FHOD3: variants seen among roughly 807,000 people sequenced by gnomAD.
FHOD3 encodes the protein formin homology 2 domain containing 3, also known as FH1/FH2 domain-containing protein 3.
In FHOD3, 90 loss-of-function variants were observed where a neutral mutation model predicts 173.0. The ratio of observed to expected loss-of-function variants is 0.52; its 90% CI spans 0.44 to 0.62. The LOEUF (loss-of-function observed/expected upper bound fraction) is 0.62, where lower values mean the gene tolerates loss of function less well. Among genes scored for constraint, FHOD3 ranks in the 20% least tolerant of loss-of-function variants. The probability of loss-of-function intolerance (pLI) is 0.00; values close to 1 mark genes in which losing one functional copy is unlikely to be tolerated. For missense variants in FHOD3, 1,945 were observed against 2,034.7 expected (o/e 0.96, Z 0.85); for synonymous variants, 828 against 823.0 (o/e 1.01, Z -0.10).
chr18:36,582,885 C>G (rs2058904984), intron 6 of FHOD3, among the ~76,000 whole-genome samples: 1 of 152,168 alleles, frequency 6.6e-6, no homozygotes, highest in Non-Finnish European at 1.5e-5. Flanking sequence ...TTTTATCTGC[C>G]AGTTTCTTCC....
chr18:36,585,749 A>G (rs1395298338), intron 6 of FHOD3, among the ~76,000 whole-genome samples: 1 of 152,086 alleles, frequency 6.6e-6, no homozygotes, highest in Non-Finnish European at 1.5e-5. Context: ...TGCACCTTTG[A>G]CTCTTCTGCC....
intron 10 of FHOD3, among the ~76,000 whole-genome samples, chr18:36,636,395 A>G (rs1214348165): frequency 6.6e-6 from 1 of 152,212 alleles, no homozygotes; most frequent in African/African-American, 2.4e-5. Flanking sequence ...CTGTGGAGGC[A>G]GCCTGGTGGT....
At chr18:36,442,666 C>A (rs2051221598) in intron 3 of FHOD3, among the ~76,000 whole-genome samples, 1 of 152,188 alleles carries the variant, frequency 6.6e-6, no homozygotes, top group South Asian at 2.1e-4. Context: ...TCCTTATACC[C>A]TTCACTCAGT....
At chr18:36,447,220 A>G (rs182069091) in intron 3 of FHOD3, among the ~76,000 whole-genome samples, 4 of 152,322 alleles carry the variant, frequency 2.6e-5, no homozygotes, top group Admixed American at 2.0e-4. Flanking sequence ...TAAATGCAGT[A>G]TCTCATTCTC....
chr18:36,768,856 A>C (rs979925127), intron 27 of FHOD3, among the ~76,000 whole-genome samples: 2 of 152,234 alleles, frequency 1.3e-5, no homozygotes, highest in African/African-American at 2.4e-5. Context: ...TCTCTACATT[A>C]CTAGATGTGC....
At chr18:36,525,399 A>G (rs972272542) in intron 5 of FHOD3, among the ~76,000 whole-genome samples, 1 of 152,184 alleles carries the variant, frequency 6.6e-6, no homozygotes, top group Non-Finnish European at 1.5e-5. Context: ...CAAGCCTCAG[A>G]TCAGACCACA....
intron 17 of FHOD3, among the ~76,000 whole-genome samples, chr18:36,697,411 C>A (rs1056491263): frequency 9.2e-5 from 14 of 152,132 alleles, no homozygotes; most frequent in African/African-American, 2.9e-4. Context: ...GTGGCTTTCA[C>A]CCACTAACCT....
intron 5 of FHOD3, among the ~76,000 whole-genome samples, chr18:36,514,011 A>ATTTTTTTTTTT (rs1555735785): frequency 4.6e-5 from 3 of 65,612 alleles, no homozygotes; most frequent in Non-Finnish European, 6.7e-5. Flanking sequence ...TGCTATTTCT[A>ATTTTTTTTTTT]TTCTTTTTTT....
chr18:36,518,551 C>T (rs557314251), intron 5 of FHOD3, among the ~76,000 whole-genome samples: 89 of 152,266 alleles, frequency 5.8e-4, no homozygotes, highest in African/African-American at 2.0e-3. Context: ...ATCACTGCAG[C>T]GTAAGCAGAC....
At chr18:36,649,473 T>A (rs1249849654) in intron 11 of FHOD3, 68 bp downstream of exon 11, 3 of 1,228,548 alleles carry the variant, frequency 2.4e-6, no homozygotes, top group Admixed American at 4.3e-5. Flanking sequence ...GATAGTTCAC[T>A]GCCTTCTAGT....
intron 3 of FHOD3, among the ~76,000 whole-genome samples, chr18:36,374,944 G>A (rs567109974): frequency 3.9e-5 from 6 of 152,168 alleles, no homozygotes; most frequent in South Asian, 2.1e-4. Flanking sequence ...GGATTTGGCC[G>A]TATAAACTAA....
intron 4 of FHOD3, among the ~76,000 whole-genome samples, chr18:36,510,378 A>T (rs1319676148): frequency 6.6e-6 from 1 of 152,204 alleles, no homozygotes; most frequent in Non-Finnish European, 1.5e-5. Context: ...TTCCACATTA[A>T]TTATCAATAA....
At chr18:36,643,244 G>A (rs2035459796) in intron 10 of FHOD3, among the ~76,000 whole-genome samples, 1 of 152,092 alleles carries the variant, frequency 6.6e-6, no homozygotes. Flanking sequence ...TATCCCTAGG[G>A]AAGGTTTCTC....
intron 5 of FHOD3, among the ~76,000 whole-genome samples, chr18:36,574,708 A>G (rs1338184010): frequency 6.6e-6 from 1 of 152,062 alleles, no homozygotes. Context: ...ATCATTTTTC[A>G]TATCTTATTA....
intron 2 of FHOD3, among the ~76,000 whole-genome samples, chr18:36,368,966 C>T (rs1460423770): frequency 6.6e-6 from 1 of 152,146 alleles, no homozygotes; most frequent in East Asian, 1.9e-4. Context: ...GGACACAAAG[C>T]CTAACCCTAT....
chr18:36,485,970 G>A (rs993300313), intron 3 of FHOD3, among the ~76,000 whole-genome samples: 1 of 152,132 alleles, frequency 6.6e-6, no homozygotes, highest in African/African-American at 2.4e-5. Context: ...TTACCCAAAT[G>A]ACTAGGGCCC....
chr18:36,603,419 C>T (rs1438224650), intron 8 of FHOD3, among the ~76,000 whole-genome samples: 2 of 151,888 alleles, frequency 1.3e-5, no homozygotes, highest in Non-Finnish European at 2.9e-5. Flanking sequence ...TTGGTCTTTT[C>T]TAGTAAATCC....
At chr18:36,632,633 A>G (rs1374168377) in intron 10 of FHOD3, among the ~76,000 whole-genome samples, 1 of 152,134 alleles carries the variant, frequency 6.6e-6, no homozygotes, top group East Asian at 1.9e-4. Context: ...TTTAGGCATC[A>G]TGCTTGCTCA....
At chr18:36,554,833 A>C (rs1172618175) in intron 5 of FHOD3, among the ~76,000 whole-genome samples, 1 of 152,196 alleles carries the variant, frequency 6.6e-6, no homozygotes, top group Non-Finnish European at 1.5e-5. Context: ...TAAGGAATTT[A>C]AGCATTTCAT....
Sources: allele counts gnomAD v4.1 joint callset (sites outside exome capture counted in the v4.1 genomes callset), GRCh38; gene constraint gnomAD v4.1.1; transcripts MANE v1.5; gene names NCBI Gene and HGNC (gene_info 2026-07-23, HGNC 2026-07-21).